Variants in HERC4 observed in about 807,000 individuals in gnomAD.
HERC4 encodes the protein HECT and RLD domain containing E3 ubiquitin protein ligase 4.
In HERC4, 28 loss-of-function variants were observed where a neutral mutation model predicts 124.3. The ratio of observed to expected loss-of-function variants is 0.23; its 90% CI spans 0.17 to 0.31. The LOEUF (loss-of-function observed/expected upper bound fraction) is 0.31, where lower values mean the gene tolerates loss of function less well. Among genes scored for constraint, HERC4 ranks in the 10% least tolerant of loss-of-function variants. HERC4 has a pLI of 1.00. For missense variants in HERC4, 713 were observed against 1,229.3 expected, an observed-to-expected ratio of 0.58 and a Z score of 6.28; for synonymous variants, 407 against 421.5, an observed-to-expected ratio of 0.97 and a Z score of 0.42.
chr10:68,005,314 T>G (rs2037474328), intron 9 of HERC4, among the ~76,000 whole-genome samples: 1 of 152,194 alleles, frequency 6.6e-6, no homozygotes, highest in Admixed American at 6.5e-5. Context: ...TTCTTATACT[T>G]TTTGTCTTGA....
intron 7 of HERC4, among the ~76,000 whole-genome samples, chr10:68,027,167 C>T (rs2038945956): frequency 6.6e-6 from 1 of 152,174 alleles, no homozygotes; most frequent in African/African-American, 2.4e-5. Flanking sequence ...AACTTTATAT[C>T]CTGCTTTCAT....
rs199559705 is a variant in HERC4, at chr10:67,938,447, G to GA, written c.2571+1140dup. Among the ~76,000 whole-genome samples the GA allele has an allele frequency of 0.019, 2,415 of 125,354 alleles. 134 individuals carry two copies. The East Asian group carries it at 0.23, about 12-fold the overall frequency. The allele number at this position is 125,354 out of a possible 152,430, so 82.2% of individuals were successfully genotyped here. The stretch of plus-strand genomic sequence containing the variant: ...AGCAAGATTCTGTCTCAAAAAAAAA[G>GA]AAAAAAAAAAAGAAAAGAAAAGGGA... On this transcript the variant is annotated intron_variant, in intron 21 of 24. Transcript: ENST00000373700.
chr10:68,059,641 ATAT>A (rs1417304592), intron 3 of HERC4, among the ~76,000 whole-genome samples: 3 of 73,966 alleles, frequency 4.1e-5, no homozygotes, highest in Admixed American at 2.1e-4. Context: ...ATAATATTAT[ATAT>A]TATATTATAT....
intron 9 of HERC4, chr10:67,995,142 T>A (rs777251174): frequency 7.8e-6 from 3 of 386,296 alleles, no homozygotes; most frequent in Middle Eastern, 5.3e-4. Flanking sequence ...GGTGGTTGAA[T>A]CTAGACAGGT....
chr10:67,990,508 C>A (rs2132758455), intron 13 of HERC4, 108 bp from the exon 14 acceptor site: 1 of 598,594 alleles, frequency 1.7e-6, no homozygotes, highest in Non-Finnish European at 2.6e-6. Context: ...GAAAATTTTG[C>A]ACTACAGCAA....
intron 19 of HERC4, among the ~76,000 whole-genome samples, chr10:67,947,606 T>C (rs1420053859): frequency 6.6e-6 from 1 of 152,102 alleles, no homozygotes; most frequent in East Asian, 1.9e-4. Context: ...CAATAAGACC[T>C]ATCAGACATA....
intron 7 of HERC4, among the ~76,000 whole-genome samples, chr10:68,030,013 C>A (rs937647797): frequency 6.6e-6 from 1 of 151,932 alleles, no homozygotes; most frequent in South Asian, 2.1e-4. Flanking sequence ...ACTGGGATTA[C>A]AGGTGTGAGC....
At chr10:67,938,742 G>T (rs1346795416) in intron 21 of HERC4, among the ~76,000 whole-genome samples, 1 of 151,952 alleles carries the variant, frequency 6.6e-6, no homozygotes, top group Non-Finnish European at 1.5e-5. Flanking sequence ...TCAGGAGTTC[G>T]AGACCAGCCT....
chr10:68,039,836 A>G, intron 4 of HERC4: 2 of 1,013,510 alleles, frequency 2.0e-6, no homozygotes, highest in Non-Finnish European at 2.4e-6. Flanking sequence ...TGTTCAGCAT[A>G]TTAAGTATTT....
chr10:67,971,117 T>C (rs1306053888), intron 15 of HERC4, among the ~76,000 whole-genome samples: 3 of 152,082 alleles, frequency 2.0e-5, no homozygotes, highest in African/African-American at 7.2e-5. Flanking sequence ...ACCTGAAATG[T>C]CTATATTTAT....
intron 15 of HERC4, among the ~76,000 whole-genome samples, chr10:67,967,924 G>A (rs1214767108): frequency 7.6e-6 from 1 of 132,298 alleles, no homozygotes; most frequent in Non-Finnish European, 1.7e-5. Context: ...GAAAAAAAAA[G>A]GAGCTATTCT....
intron 15 of HERC4, among the ~76,000 whole-genome samples, chr10:67,986,618 A>G (rs887695476): frequency 2.6e-5 from 4 of 152,098 alleles, no homozygotes; most frequent in African/African-American, 9.7e-5. Context: ...CACCACCCAA[A>G]CTGCTGGGAT....
intron 23 of HERC4, among the ~76,000 whole-genome samples, chr10:67,927,266 T>C (rs2031091268): frequency 6.6e-6 from 1 of 151,492 alleles, no homozygotes; most frequent in African/African-American, 2.4e-5. Flanking sequence ...GGTAGAAATG[T>C]GCACACATGT....
At chr10:67,993,760 T>C (rs1053723077) in intron 9 of HERC4, 24 of 152,312 alleles carry the variant, frequency 1.6e-4, no homozygotes, top group African/African-American at 5.5e-4. Context: ...TTGAAAAAGA[T>C]ATTCCGGGCC....
At chr10:68,069,524 C>A (rs1186862706) in intron 3 of HERC4, 1 of 985,308 alleles carries the variant, frequency 1.0e-6, no homozygotes, top group Non-Finnish European at 1.2e-6. Context: ...AACAGAAACA[C>A]CTCTTTTCAA....
At chr10:67,925,852 AAC>A (rs1232722628) in intron 23 of HERC4, among the ~76,000 whole-genome samples, 4 of 152,190 alleles carry the variant, frequency 2.6e-5, no homozygotes, top group Non-Finnish European at 5.9e-5. Context: ...GCCTCCTGCC[AAC>A]AGTCATGTGA....
chr10:68,067,590 A>G (rs1005605155), intron 3 of HERC4: 2 of 152,242 alleles, frequency 1.3e-5, no homozygotes, highest in African/African-American at 2.4e-5. Context: ...AATTTCAACT[A>G]TATTTTAAGG....
At chr10:67,971,351 C>T (rs1030220920) in intron 15 of HERC4, among the ~76,000 whole-genome samples, 2 of 151,960 alleles carry the variant, frequency 1.3e-5, no homozygotes, top group Admixed American at 6.6e-5. Flanking sequence ...AATTACAGAT[C>T]AATATCCCTC....
At chr10:68,059,800 T>TTATATATTATAATATTATATATCATAA (rs1554830409) in intron 3 of HERC4, among the ~76,000 whole-genome samples, 3 of 71,188 alleles carry the variant, frequency 4.2e-5, no homozygotes, top group African/African-American at 2.0e-4. Context: ...TATCATAATA[T>TTATATATTATAATATTATATATCATAA]TATATATTAT....
Sources: allele counts gnomAD v4.1 joint callset (sites outside exome capture counted in the v4.1 genomes callset), GRCh38; gene constraint gnomAD v4.1.1; transcripts MANE v1.5; gene names NCBI Gene and HGNC (gene_info 2026-07-23, HGNC 2026-07-21).